Variants in DGCR2 observed in about 807,000 individuals in gnomAD.
DGCR2 encodes the protein DiGeorge syndrome critical region gene 2.
DGCR2 carries 24 observed loss-of-function variants against 51.6 expected under a neutral mutation model. The observed-to-expected ratio is 0.47, with a 90% CI of 0.34 to 0.65. The LOEUF is 0.65. Among genes scored for constraint, DGCR2 ranks in the 30% least tolerant of loss-of-function variants. The pLI is 0.01. For synonymous variants in DGCR2, 340 were observed against 315.4 expected (o/e 1.08, Z -0.82); for missense variants, 765 against 772.1 (o/e 0.99, Z 0.11).
At chr22:19,063,427 C>G (rs2082710178) in intron 4 of DGCR2, 149 bp from the exon 5 acceptor site, 1 of 717,240 alleles carries the variant, frequency 1.4e-6, no homozygotes. Flanking sequence ...TGCAACTTGA[C>G]TTCCTGGTTC....
intron 1 of DGCR2, among the ~76,000 whole-genome samples, chr22:19,097,690 G>A (rs749187669): frequency 6.6e-6 from 1 of 152,192 alleles, no homozygotes. Flanking sequence ...CATACTCTAT[G>A]CATGTCTGGG....
At chr22:19,094,557 T>C (rs2083117266) in intron 1 of DGCR2, among the ~76,000 whole-genome samples, 1 of 152,234 alleles carries the variant, frequency 6.6e-6, no homozygotes, top group African/African-American at 2.4e-5. Flanking sequence ...AAAATGTAAA[T>C]GGTACAACTT....
chr22:19,075,196 G>A (rs979445287), intron 2 of DGCR2, among the ~76,000 whole-genome samples: 2 of 152,174 alleles, frequency 1.3e-5, no homozygotes, highest in African/African-American at 2.4e-5. Context: ...GGGAGGCTGA[G>A]GCAGGCAGAT....
intron 7 of DGCR2, chr22:19,048,152 T>A: frequency 2.0e-6 from 1 of 496,516 alleles, no homozygotes; most frequent in Non-Finnish European, 3.7e-6. Flanking sequence ...TTTGAAGCTG[T>A]CAGTGGTGAC....
chr22:19,065,055 T>C lies in DGCR2; in HGVS notation c.341A>G (p.Lys114Arg), dbSNP rs755108299. Residue 114 changes from lysine (K) to arginine (R), a missense_variant, in exon 4 of 10, where the codon AAG becomes AGG. Physicochemically the swap from Lys to Arg is conservative, Grantham distance 26. This residue lies in a region of DGCR2 where 370 missense variants were observed against 325.5 expected (regional missense o/e 1.14). Transcript: ENST00000263196. ...QPVRFSSFLG[K>R]CPTGWHHYEG... ...GTAGTGGTGCCACCCTGTCGGGCAC[T>C]TCCCTAGGAAACATAAAGGACAGAA... The C allele has an allele frequency of 1.1e-5, 18 of 1,613,776 alleles. No individual in the cohort carries two copies. Among genetic ancestry groups the C allele is most frequent in the African/African-American group, 9.3e-5 (7 of 74,932 alleles).
chr22:19,075,309 T>C (rs1490494691), intron 2 of DGCR2, among the ~76,000 whole-genome samples: 1 of 152,006 alleles, frequency 6.6e-6, no homozygotes, highest in African/African-American at 2.4e-5. Flanking sequence ...TAGCCGGGCG[T>C]GGTGGTGGAC....
intron 1 of DGCR2, among the ~76,000 whole-genome samples, chr22:19,093,309 G>A (rs936339651): frequency 9.3e-5 from 14 of 150,354 alleles, no homozygotes; most frequent in Non-Finnish European, 1.3e-4. Context: ...GTGGTGAGCC[G>A]AGATAGTGCC....
chr22:19,043,191 C>A (rs556706840), intron 7 of DGCR2, among the ~76,000 whole-genome samples: 6 of 152,382 alleles, frequency 3.9e-5, no homozygotes, highest in African/African-American at 1.2e-4. Context: ...CTTCTTCAAC[C>A]ATTTCACGCT....
chr22:19,067,944 G>A (rs1014866733), intron 3 of DGCR2, among the ~76,000 whole-genome samples, 156 bp downstream of exon 3: 1 of 152,188 alleles, frequency 6.6e-6, no homozygotes, highest in Admixed American at 6.5e-5. Flanking sequence ...CTGGGTGACT[G>A]CGGGTGGGTC....
intron 2 of DGCR2, among the ~76,000 whole-genome samples, chr22:19,080,837 AAAAAG>A: frequency 6.6e-6 from 1 of 152,226 alleles, no homozygotes; most frequent in Non-Finnish European, 1.5e-5. Context: ...CTGTCTCAAA[AAAAAG>A]AAATGAAACC....
In DGCR2 at chr22:19,122,411, A is replaced by C; in HGVS notation, c.-205T>G. On this transcript the variant is annotated 5_prime_UTR_variant, in exon 1 of 10. Transcript: ENST00000263196. The stretch of plus-strand genomic sequence containing the variant: ...GGCACCGACTCCAGCTGCGCGCAAG[A>C]TGGCGGCCGTCCTGCTCGGCTCCGC... 3 of 401,150 alleles carry C rather than the reference A, an allele frequency of 7.5e-6. No homozygotes were observed. Among genetic ancestry groups the C allele is most frequent in the African/African-American group, 2.1e-5 (1 of 46,906 alleles). 24.8% of individuals were successfully genotyped at this position (401,150 alleles called of 1,614,324 possible). A position where few individuals can be genotyped will look rare whatever the true frequency, so the allele number is the denominator to read the frequency against.
chr22:19,076,087 T>C (rs535292603), intron 2 of DGCR2, among the ~76,000 whole-genome samples: 2 of 151,918 alleles, frequency 1.3e-5, no homozygotes, highest in East Asian at 3.9e-4. Flanking sequence ...GTCTCCCCAG[T>C]AGCTGAAATT....
chr22:19,069,138 A>G (rs1299580064), intron 2 of DGCR2, among the ~76,000 whole-genome samples: 1 of 152,236 alleles, frequency 6.6e-6, no homozygotes, highest in African/African-American at 2.4e-5. Context: ...CAGATGGGAA[A>G]CAAACTTGGT....
chr22:19,062,779 A>ATTCTCTCATTCTCTCATATTTT, intron 5 of DGCR2, among the ~76,000 whole-genome samples: 2 of 127,354 alleles, frequency 1.6e-5, no homozygotes, highest in Non-Finnish European at 3.6e-5. Flanking sequence ...ATGCATGCTC[A>ATTCTCTCATTCTCTCATATTTT]CTCTCTCTCT....
intron 3 of DGCR2, among the ~76,000 whole-genome samples, chr22:19,066,735 C>G (rs1054491746): frequency 1.3e-5 from 2 of 152,192 alleles, no homozygotes; most frequent in Non-Finnish European, 2.9e-5. Context: ...AGGAAGCACT[C>G]CTGTGCACTG....
At chr22:19,086,962 C>T (rs1439333584) in intron 2 of DGCR2, among the ~76,000 whole-genome samples, 1 of 152,238 alleles carries the variant, frequency 6.6e-6, no homozygotes, top group Non-Finnish European at 1.5e-5. Context: ...TTACAAACAA[C>T]TACAAAAGCA....
At chr22:19,094,510 G>A (rs1280456219) in intron 1 of DGCR2, among the ~76,000 whole-genome samples, 1 of 152,240 alleles carries the variant, frequency 6.6e-6, no homozygotes, top group Admixed American at 6.5e-5. Context: ...ATACCAAGTG[G>A]TGGCAAGTGT....
intron 6 of DGCR2, among the ~76,000 whole-genome samples, chr22:19,052,015 T>C (rs1188505572): frequency 6.6e-6 from 1 of 152,182 alleles, no homozygotes; most frequent in African/African-American, 2.4e-5. Flanking sequence ...GACTATAAAA[T>C]AGTACAGCCA....
intron 2 of DGCR2, among the ~76,000 whole-genome samples, chr22:19,084,981 A>G (rs2082997944): frequency 6.6e-6 from 1 of 152,166 alleles, no homozygotes; most frequent in African/African-American, 2.4e-5. Flanking sequence ...GTTTTGTGGA[A>G]TAGAAAAGGG....
Sources: allele counts gnomAD v4.1 joint callset (sites outside exome capture counted in the v4.1 genomes callset), GRCh38; gene constraint gnomAD v4.1.1; regional missense constraint gnomAD v4.1.1; transcripts MANE v1.5; gene names NCBI Gene and HGNC (gene_info 2026-07-23, HGNC 2026-07-21).